RABEP1: variants seen among roughly 807,000 people sequenced by gnomAD.
RABEP1 encodes the protein rabaptin, RAB GTPase binding effector protein 1.
In RABEP1, 51 loss-of-function variants were observed where a neutral mutation model predicts 123.4. The ratio of observed to expected loss-of-function variants is 0.41; its 90% CI spans 0.33 to 0.52. The LOEUF (loss-of-function observed/expected upper bound fraction) is 0.52. RABEP1 is among the 20% of genes least tolerant of loss of function. The pLI is 0.16. For synonymous variants in RABEP1, 347 were observed against 355.2 expected, an observed-to-expected ratio of 0.98 and a Z score of 0.26; for missense variants, 888 against 996.3, an observed-to-expected ratio of 0.89 and a Z score of 1.46.
intron 1 of RABEP1, among the ~76,000 whole-genome samples, chr17:5,291,644 AC>A (rs2075034713): frequency 2.0e-5 from 3 of 152,094 alleles, no homozygotes; most frequent in Admixed American, 2.0e-4. Flanking sequence ...GCGGTGGCTC[AC>A]GCCTGTAATC....
chr17:5,345,232 T>C (rs916780818), intron 5 of RABEP1, among the ~76,000 whole-genome samples: 1 of 152,210 alleles, frequency 6.6e-6, no homozygotes, highest in African/African-American at 2.4e-5. Flanking sequence ...GTTGACTGTT[T>C]TTGGTTTCTC....
intron 1 of RABEP1, among the ~76,000 whole-genome samples, chr17:5,286,506 GTTGTA>G (rs56891467): frequency 0.12 from 18,746 of 151,812 alleles, 1,843 homozygotes; most frequent in East Asian, 0.48. Flanking sequence ...AAAAAAAAGA[GTTGTA>G]TTGTTCAATT....
chr17:5,287,346 C>T lies in RABEP1; in HGVS notation c.34+4826C>T, dbSNP rs551065776. Among the ~76,000 whole-genome samples the T allele has an allele frequency of 4.6e-5, 7 of 151,846 alleles. No homozygotes were observed. The East Asian group carries it at 1.4e-3, about 29-fold the overall frequency. The stretch of plus-strand genomic sequence containing the variant: ...CAGTATACAGGCTCACGCCTGTAAT[C>T]CCAGCACTTTGGGAGTCTGAGGCAG... On this transcript the variant is annotated intron_variant, in intron 1 of 17. Coordinates refer to ENST00000537505, the MANE Select transcript of RABEP1 (RefSeq NM_004703.6).
intron 5 of RABEP1, among the ~76,000 whole-genome samples, chr17:5,338,927 C>T (rs550124505): frequency 2.0e-5 from 3 of 152,150 alleles, no homozygotes; most frequent in South Asian, 2.1e-4. Context: ...GAAGCTGAGG[C>T]GGGAGAATTG....
intron 1 of RABEP1, among the ~76,000 whole-genome samples, chr17:5,287,619 A>C (rs1006155658): frequency 2.2e-5 from 3 of 138,476 alleles, no homozygotes; most frequent in Admixed American, 7.4e-5. Flanking sequence ...AAAAAAAAAA[A>C]AAAACCCAAA....
intron 11 of RABEP1, among the ~76,000 whole-genome samples, chr17:5,367,847 C>CA (rs758828761): frequency 6.7e-6 from 1 of 149,702 alleles, no homozygotes; most frequent in African/African-American, 2.4e-5. Flanking sequence ...CTCTGCCTCC[C>CA]GGTTTTCAAG....
intron 1 of RABEP1, 70 bp from the exon 2 acceptor site, chr17:5,308,624 T>A: frequency 7.2e-7 from 1 of 1,392,898 alleles, no homozygotes; most frequent in African/African-American, 1.5e-5. Context: ...ACAGCTAGAA[T>A]ACTAATTTAC....
At chr17:5,312,040 A>G (rs995069081) in intron 2 of RABEP1, among the ~76,000 whole-genome samples, 4 of 152,236 alleles carry the variant, frequency 2.6e-5, no homozygotes, top group Non-Finnish European at 4.4e-5. Flanking sequence ...TAACAACTGA[A>G]TTAGGTCTGT....
intron 15 of RABEP1, chr17:5,378,505 TCATAA>T: frequency 1.9e-6 from 1 of 516,372 alleles, no homozygotes; most frequent in East Asian, 3.6e-5. Flanking sequence ...CAAGGCATGG[TCATAA>T]CATGTTATAT....
At position 5,338,099 on chromosome 17, in the gene RABEP1, A is replaced by C. The variant is rs1415835960; in HGVS notation, c.609A>C (p.Thr203=). 1.9e-6 allele frequency: 3 copies of C among 1,613,494 alleles called. No individual in the cohort carries two copies. Among genetic ancestry groups the C allele is most frequent in the Non-Finnish European group, 2.5e-6 (3 of 1,179,496 alleles). Residue 203 remains threonine (T), a synonymous_variant, in exon 5 of 18, where the codon ACA becomes ACC. Coordinates refer to ENST00000537505, the MANE Select transcript of RABEP1 (RefSeq NM_004703.6). ...KEIAALKDKL[T]EAEDKIKELE... ...TTGCAGCTTTGAAGGATAAACTGAC[A>C]GAGGCTGAAGACAAAATTAAAGAGC...
At chr17:5,319,190 T>C (rs2075327427) in intron 2 of RABEP1, among the ~76,000 whole-genome samples, 1 of 149,884 alleles carries the variant, frequency 6.7e-6, no homozygotes, top group African/African-American at 2.5e-5. Context: ...ATTAACCGGG[T>C]GTGGTGGTGC....
chr17:5,352,298 T>C (rs554241796), intron 7 of RABEP1, among the ~76,000 whole-genome samples: 29 of 151,980 alleles, frequency 1.9e-4, no homozygotes, highest in Non-Finnish European at 3.5e-4. Flanking sequence ...GCTCAAGTGA[T>C]TCTTCTGTCT....
Position 5,384,008 on chromosome 17 carries a change from T to C in RABEP1, c.*785T>C, listed in dbSNP as rs1911729344. On this transcript the variant is annotated 3_prime_UTR_variant, in exon 18 of 18. Transcript: ENST00000537505. ...CCAGGATAAAGCCGAACTGGTACCA[T>C]CTACTCTTTTGAAGTGTTTTAGTCT... is the stretch of plus-strand genomic sequence containing the variant. The C allele has an allele frequency of 9.1e-6, 2 of 219,564 alleles. No homozygotes were observed. Among genetic ancestry groups the C allele is most frequent in the Non-Finnish European group, 1.8e-5 (2 of 109,314 alleles). 13.6% of individuals were successfully genotyped at this position (219,564 alleles called of 1,614,324 possible).
Position 5,365,099 on chromosome 17 carries a change from A to G in RABEP1, c.1669-23A>G, listed in dbSNP as rs757879002. The stretch of plus-strand genomic sequence containing the variant: ...ATTATAAAAGGATTCTGGTTTTTCT[A>G]ATTGACTTTTAAAATGATACAGGTG... On this transcript the variant is annotated intron_variant, in intron 10 of 17. Coordinates refer to ENST00000537505, the MANE Select transcript of RABEP1 (RefSeq NM_004703.6). 6.8e-6 allele frequency: 10 copies of G among 1,469,396 alleles called. No homozygotes were observed. The East Asian group carries it at 1.9e-4, about 28-fold the overall frequency. The allele number at this position is 1,469,396 out of a possible 1,614,324, so 91.0% of individuals were successfully genotyped here. A position where few individuals can be genotyped will look rare whatever the true frequency, so the allele number is the denominator to read the frequency against.
chr17:5,360,037 T>C (rs925404785), intron 8 of RABEP1, among the ~76,000 whole-genome samples: 1 of 152,230 alleles, frequency 6.6e-6, no homozygotes, highest in Non-Finnish European at 1.5e-5. Context: ...ACAAATGTTT[T>C]TAGTTTGAAA....
At position 5,346,888 on chromosome 17, in the gene RABEP1, G is replaced by A; in HGVS notation, c.747G>A (p.Gln249=). 1 of 1,606,304 alleles carries A rather than the reference G, an allele frequency of 6.2e-7. No individual in the cohort carries two copies. Among genetic ancestry groups the A allele is most frequent in the Non-Finnish European group, 8.5e-7 (1 of 1,175,358 alleles). The change falls in exon 6 of 18, where the codon CAG becomes CAA. Residue 249 remains glutamine (Q), a synonymous_variant. Coordinates refer to ENST00000537505, the MANE Select transcript of RABEP1 (RefSeq NM_004703.6). ...TGAATACTCAGAAATCTGTTCTACA[G>A]GAAGATGCTGAGAAACTGCGGAAAG... The part of the protein sequence containing the change: ...AVLNTQKSVL[Q]EDAEKLRKEL...
Position 5,361,446 on chromosome 17 carries a change from C to A in RABEP1, c.1334C>A (p.Ala445Glu). The A allele has an allele frequency of 1.2e-6, 2 of 1,614,180 alleles. No homozygotes were observed. Among genetic ancestry groups the A allele is most frequent in the Non-Finnish European group, 1.7e-6 (2 of 1,180,030 alleles). ...TCAGATTTTGGACCACTGGTAGGAG[C>A]AGATTCAGTGTCTGAGAACTTTGAT... ...DESDFGPLVG[A>E]DSVSENFDTA... is the part of the protein sequence containing the mutation. The change falls in exon 9 of 18, where the codon GCA (alanine) becomes GAA (glutamate). Residue 445 changes from alanine (A) to glutamate (E), a missense_variant. Transcript: ENST00000537505.
intron 8 of RABEP1, among the ~76,000 whole-genome samples, chr17:5,359,929 C>T (rs892279389): frequency 3.3e-5 from 5 of 152,252 alleles, no homozygotes; most frequent in African/African-American, 1.2e-4. Context: ...TTGCTTTTTG[C>T]CTTCAGGAAT....
intron 2 of RABEP1, among the ~76,000 whole-genome samples, chr17:5,313,238 A>G (rs1324232337): frequency 6.6e-6 from 1 of 152,232 alleles, no homozygotes; most frequent in African/African-American, 2.4e-5. Context: ...ATTCTTGTCA[A>G]GATGACCTGT....
Sources: gnomAD v4.1 joint callset for allele counts (sites outside exome capture counted in the v4.1 genomes callset) on GRCh38, gnomAD v4.1.1 for gene constraint, MANE v1.5 for transcripts, NCBI Gene and HGNC (gene_info 2026-07-23, HGNC 2026-07-21) for gene names.